COL22A1: variants seen among roughly 807,000 people sequenced by gnomAD.
COL22A1 encodes collagen type XXII alpha 1 chain.
In COL22A1, 221 loss-of-function variants were observed where a neutral mutation model predicts 248.9. The observed-to-expected ratio is 0.89, with a 90% CI of 0.80 to 0.99. The LOEUF is 0.99. Among genes scored for constraint, COL22A1 ranks in the 50% least tolerant of loss-of-function variants. COL22A1 has a pLI of 0.00. For missense variants in COL22A1, 2,240 were observed against 2,179.0 expected (o/e 1.03, Z -0.56); for synonymous variants, 891 against 793.4 (o/e 1.12, Z -2.07).
intron 1 of COL22A1, among the ~76,000 whole-genome samples, chr8:138,896,000 A>G (rs1037037727): frequency 1.3e-5 from 2 of 152,200 alleles, no homozygotes; most frequent in Admixed American, 6.5e-5. Flanking sequence ...ATGGCACAAC[A>G]TTCTTCAAGC....
At chr8:138,660,803 GACACACATACACACATAC>G (rs1397060437) in intron 43 of COL22A1, among the ~76,000 whole-genome samples, 3,739 of 81,454 alleles carry the variant, frequency 0.046, 155 homozygotes, top group African/African-American at 0.12. Context: ...CAGACACACA[GACACACATACACACATAC>G]ACACACATAC....
chr8:138,805,743 ATGG>A (rs1392305656), intron 10 of COL22A1, among the ~76,000 whole-genome samples: 1 of 119,958 alleles, frequency 8.3e-6, no homozygotes, highest in Non-Finnish European at 1.7e-5. Context: ...TGTATATGTG[ATGG>A]TGTGTGTGTG....
intron 59 of COL22A1, among the ~76,000 whole-genome samples, chr8:138,604,143 C>T (rs4442151): frequency 0.62 from 94,802 of 151,970 alleles, 32,348 homozygotes; most frequent in Middle Eastern, 0.82. Context: ...GAACTTGGCA[C>T]GTCTCAGGAG....
intron 23 of COL22A1, among the ~76,000 whole-genome samples, chr8:138,733,289 T>C (rs574818604): frequency 2.0e-5 from 3 of 152,342 alleles, no homozygotes; most frequent in African/African-American, 4.8e-5. Flanking sequence ...TAGGACATCA[T>C]GGATGTATAG....
chr8:138,755,484 G>T lies in COL22A1; in HGVS notation c.1975C>A (p.Gln659Lys), dbSNP rs761379328. Residue 659 changes from glutamine to lysine, a missense_variant and splice_region_variant, in exon 20 of 65, where the codon CAG becomes AAG. Physicochemically the swap from Gln to Lys is moderately conservative, Grantham distance 53. Coordinates refer to ENST00000303045, the MANE Select transcript of COL22A1 (RefSeq NM_152888.3). ...AAGAAGACGCGTGTGCCTCTTACCT[G>T]TTCCCCTTTCAAGCCCTCTTGCTGC... ...VVQQEGLKGEQGAPGPRGHQG... is the reference protein window; with the variant it reads ...VVQQEGLKGEKGAPGPRGHQG... 1 of 1,613,872 alleles carries T rather than the reference G, an allele frequency of 6.2e-7. No individual in the cohort carries two copies. The highest frequency in any genetic ancestry group is 8.5e-7 in the Non-Finnish European group (1 of 1,179,798).
At chr8:138,771,524 GTTCC>G (rs2131461466) in intron 16 of COL22A1, among the ~76,000 whole-genome samples, 1 of 152,292 alleles carries the variant, frequency 6.6e-6, no homozygotes, top group East Asian at 1.9e-4. Flanking sequence ...AAACCGCAGT[GTTCC>G]TTGACTGAAC....
intron 47 of COL22A1, among the ~76,000 whole-genome samples, chr8:138,646,047 T>C (rs537111232): frequency 5.3e-5 from 8 of 152,244 alleles, no homozygotes; most frequent in African/African-American, 1.7e-4. Flanking sequence ...CCCTAGAACA[T>C]TTGTTTTGAC....
intron 12 of COL22A1, among the ~76,000 whole-genome samples, chr8:138,783,185 G>T (rs1183125111): frequency 6.6e-6 from 1 of 152,138 alleles, no homozygotes; most frequent in African/African-American, 2.4e-5. Context: ...TTAGAGGAGG[G>T]TGGGTACTTT....
At position 138,755,106 on chromosome 8, in the gene COL22A1, T is replaced by G. The variant is rs2318338; in HGVS notation, c.2031+51A>C. On this transcript the variant is annotated intron_variant, in intron 21 of 64. Transcript: ENST00000303045. ...AATGACTCTGATCTTCCAAACCCAT[T>G]GGTAAGAGAAGCGTGCAGAGCAAAC... is the stretch of plus-strand genomic sequence containing the variant. 1.9e-6 allele frequency: 3 copies of G among 1,572,162 alleles called. No homozygotes were observed. The African/African-American group carries it at 4.1e-5, about 21-fold the overall frequency.
chr8:138,685,222 TC>T lies in COL22A1; in HGVS notation c.2952del (p.Lys985ArgfsTer17). 1 of 1,612,234 alleles carries T rather than the reference TC, an allele frequency of 6.2e-7. No individual in the cohort carries two copies. On this transcript the variant is annotated frameshift_variant, in exon 38 of 65. Coordinates refer to ENST00000303045, the MANE Select transcript of COL22A1 (RefSeq NM_152888.3). LOFTEE classifies it high-confidence loss of function. ...CTTCCACTTACCGGCTCTCCATCCT[TC>T]CCTTTTCCGGGTGGCCCAGGGAGCC... ...APGLPGPPGK[G>X]KDGEPGLRGS...
At chr8:138,857,048 C>T (rs550635050) in intron 3 of COL22A1, among the ~76,000 whole-genome samples, 1 of 152,236 alleles carries the variant, frequency 6.6e-6, no homozygotes, top group East Asian at 1.9e-4. Flanking sequence ...TTCTCCCTGC[C>T]TGTCCCCTCC....
chr8:138,630,596 C>T (rs1820629766), intron 50 of COL22A1, 99 bp downstream of exon 50: 1 of 975,304 alleles, frequency 1.0e-6, no homozygotes, highest in Non-Finnish European at 1.7e-6. Context: ...ATGTGAGCCA[C>T]AGGAGGCACA....
At chr8:138,744,051 A>T (rs1831914996) in intron 22 of COL22A1, among the ~76,000 whole-genome samples, 1 of 152,208 alleles carries the variant, frequency 6.6e-6, no homozygotes, top group Non-Finnish European at 1.5e-5. Flanking sequence ...AGCTGAAACC[A>T]GGTGCGCAGG....
At position 138,828,029 on chromosome 8, in the gene COL22A1, T is replaced by C. The variant is rs1279808118; in HGVS notation, c.846-1248A>G. 10 of 151,824 alleles carry C rather than the reference T, an allele frequency of 6.6e-5. No individual in the cohort carries two copies. In the East Asian group the frequency reaches 1.8e-3, roughly 27 times the overall value. The allele number at this position is 151,824 out of a possible 1,614,324, so 9.4% of individuals were successfully genotyped here. ...CATCTCTCCCCATCTGCTTGACTCA[T>C]AGCCACCTGTCTTCCAGCTCTCCAT... On this transcript the variant is annotated intron_variant, in intron 5 of 64. Transcript: ENST00000303045.
intron 55 of COL22A1, among the ~76,000 whole-genome samples, chr8:138,614,500 A>C (rs1819150221): frequency 6.6e-6 from 1 of 152,212 alleles, no homozygotes; most frequent in Non-Finnish European, 1.5e-5. Context: ...TTTTAAAATA[A>C]AAGTCAAATG....
intron 12 of COL22A1, among the ~76,000 whole-genome samples, chr8:138,790,031 T>C (rs1815888469): frequency 6.6e-6 from 1 of 152,214 alleles, no homozygotes; most frequent in Non-Finnish European, 1.5e-5. Flanking sequence ...CAAAAGTGTG[T>C]GTGCCATCCC....
In COL22A1 at chr8:138,676,633, C is replaced by A. The variant is rs1486693995; in HGVS notation, c.3075G>T (p.Gly1025=). The part of the protein sequence containing the change: ...NCALGGQCVK[G]DRGAPGIPGS... The stretch of plus-strand genomic sequence containing the variant: ...CAGGGATCCCAGGAGCTCCTCGATC[C>A]CCCTAGAAAGAGAGAAAAATAAGAT... Residue 1025 remains glycine (G), a splice_region_variant and synonymous_variant, in exon 41 of 65, where the codon GGG becomes GGT. Transcript: ENST00000303045. 4 of 1,560,128 alleles carry A rather than the reference C, an allele frequency of 2.6e-6. No homozygotes were observed. The highest frequency in any genetic ancestry group is 3.5e-6 in the Non-Finnish European group (4 of 1,150,936).
At chr8:138,899,396 A>G (rs1814377506) in intron 1 of COL22A1, among the ~76,000 whole-genome samples, 1 of 152,206 alleles carries the variant, frequency 6.6e-6, no homozygotes, top group African/African-American at 2.4e-5. Flanking sequence ...AGCCAAGAAA[A>G]TCCAGGGATG....
chr8:138,907,345 G>A (rs1179255893), intron 1 of COL22A1, among the ~76,000 whole-genome samples: 4 of 152,186 alleles, frequency 2.6e-5, no homozygotes, highest in African/African-American at 4.8e-5. Flanking sequence ...AGCAAATTCA[G>A]GCTTTTAAAT....
Sources: allele counts gnomAD v4.1 joint callset (sites outside exome capture counted in the v4.1 genomes callset), GRCh38; gene constraint gnomAD v4.1.1; transcripts MANE v1.5; gene names NCBI Gene and HGNC (gene_info 2026-07-23, HGNC 2026-07-21).